TYR: variants seen among roughly 807,000 people sequenced by gnomAD.
The protein encoded by TYR is LB24-AB.
Under a neutral mutation model 51.5 loss-of-function variants are expected in TYR, and 58 were observed. That is an observed-to-expected ratio of 1.13 (90% confidence interval 0.91 to 1.40). The LOEUF is 1.40. TYR is among the 40% of genes most tolerant of loss of function. TYR has a pLI of 0.00. For synonymous variants in TYR, 263 were observed against 235.2 expected, an observed-to-expected ratio of 1.12 and a Z score of -1.08; for missense variants, 732 against 647.4, an observed-to-expected ratio of 1.13 and a Z score of -1.42.
At chr11:89,286,976 GC>G (rs1464746337) in intron 4 of TYR, among the ~76,000 whole-genome samples, 1 of 151,770 alleles carries the variant, frequency 6.6e-6, no homozygotes, top group African/African-American at 2.4e-5. Flanking sequence ...ATGGGTTCAT[GC>G]TTTTAAATAT....
intron 2 of TYR, among the ~76,000 whole-genome samples, chr11:89,204,421 CTT>C (rs1269220960): frequency 6.7e-6 from 1 of 150,188 alleles, no homozygotes; most frequent in African/African-American, 2.5e-5. Context: ...GAGATGGAGT[CTT>C]TGCTGTGTTG....
chr11:89,269,440 C>A (rs139344757), intron 3 of TYR, among the ~76,000 whole-genome samples: 1 of 151,898 alleles, frequency 6.6e-6, no homozygotes, highest in East Asian at 2.0e-4. Context: ...TAGCAGGGTG[C>A]CTGATACTTA....
At chr11:89,179,919 A>G (rs1376857939) in intron 1 of TYR, among the ~76,000 whole-genome samples, 1 of 152,174 alleles carries the variant, frequency 6.6e-6, no homozygotes, top group Non-Finnish European at 1.5e-5. Context: ...TTGACTAGCA[A>G]TGCTCTATGA....
chr11:89,204,671 T>C (rs951919530), intron 2 of TYR, among the ~76,000 whole-genome samples: 8 of 152,254 alleles, frequency 5.3e-5, no homozygotes, highest in African/African-American at 1.7e-4. Flanking sequence ...GTACTGGGAT[T>C]ACAGGTGTGA....
At chr11:89,204,166 T>C (rs1195888148) in intron 2 of TYR, among the ~76,000 whole-genome samples, 1 of 152,194 alleles carries the variant, frequency 6.6e-6, no homozygotes, top group Non-Finnish European at 1.5e-5. Context: ...TAGTTAGGTC[T>C]TCTAGCACTG....
chr11:89,279,163 C>T (rs998612291), intron 3 of TYR, among the ~76,000 whole-genome samples: 18 of 151,646 alleles, frequency 1.2e-4, no homozygotes, highest in Non-Finnish European at 2.4e-4. Flanking sequence ...TCTCTGGCCC[C>T]TCTTTCTCCT....
At chr11:89,273,490 C>T (rs1944614758) in intron 3 of TYR, among the ~76,000 whole-genome samples, 1 of 151,662 alleles carries the variant, frequency 6.6e-6, no homozygotes, top group Non-Finnish European at 1.5e-5. Flanking sequence ...AGAGTGACAT[C>T]AAAAATCACT....
At chr11:89,183,435 G>A (rs945879897) in intron 1 of TYR, among the ~76,000 whole-genome samples, 1 of 151,980 alleles carries the variant, frequency 6.6e-6, no homozygotes, top group African/African-American at 2.4e-5. Context: ...AAAAAAATGA[G>A]GTAGAATTAC....
chr11:89,292,099 A>G (rs1209852904), intron 4 of TYR, among the ~76,000 whole-genome samples: 2 of 152,054 alleles, frequency 1.3e-5, no homozygotes, highest in Non-Finnish European at 2.9e-5. Flanking sequence ...AGGAACTGTA[A>G]ATACTACCTC....
At chr11:89,208,863 TATCA>T (rs1360321188) in intron 2 of TYR, among the ~76,000 whole-genome samples, 1 of 152,238 alleles carries the variant, frequency 6.6e-6, no homozygotes, top group Admixed American at 6.5e-5. Flanking sequence ...AGATTTTCCA[TATCA>T]ATCAATTTTT....
At chr11:89,226,907 T>C (rs1334805405) in intron 2 of TYR, among the ~76,000 whole-genome samples, 1 of 152,106 alleles carries the variant, frequency 6.6e-6, no homozygotes, top group African/African-American at 2.4e-5. Flanking sequence ...CTTTTTCTGG[T>C]CCTAACTCTC....
At chr11:89,200,623 T>C (rs1397108910) in intron 2 of TYR, 1 of 152,056 alleles carries the variant, frequency 6.6e-6, no homozygotes. Flanking sequence ...TAATTTGTTA[T>C]GTGATAGTAT....
intron 3 of TYR, among the ~76,000 whole-genome samples, chr11:89,231,073 A>C (rs1944040853): frequency 6.7e-6 from 1 of 148,978 alleles, no homozygotes; most frequent in Non-Finnish European, 1.5e-5. Flanking sequence ...CGGGAGGCTG[A>C]GGCACGAGAA....
intron 3 of TYR, among the ~76,000 whole-genome samples, chr11:89,231,920 G>A (rs1215553846): frequency 7.2e-6 from 1 of 138,748 alleles, no homozygotes; most frequent in Non-Finnish European, 1.5e-5. Context: ...GGGAGACCAA[G>A]GTTGCAGTGA....
chr11:89,213,043 C>T (rs570217834), intron 2 of TYR, among the ~76,000 whole-genome samples: 1 of 152,210 alleles, frequency 6.6e-6, no homozygotes, highest in African/African-American at 2.4e-5. Flanking sequence ...ACAAGGATGC[C>T]CTCTCTCACC....
At chr11:89,284,739 T>C (rs766372044) in intron 3 of TYR, 34 bp from the exon 4 acceptor site, 2 of 1,601,506 alleles carry the variant, frequency 1.2e-6, no homozygotes, top group Non-Finnish European at 1.7e-6. Context: ...ATACACAATA[T>C]GTTTCTTAGT....
chr11:89,208,366 G>T lies in TYR; in HGVS notation c.1036+16948G>T, dbSNP rs1249585670. 3.9e-5 allele frequency among the ~76,000 whole-genome samples: 6 copies of T among 152,104 alleles called. No individual in the cohort carries two copies. In the East Asian group the frequency reaches 1.2e-3, roughly 29 times the overall value. On this transcript the variant is annotated intron_variant, in intron 2 of 4. Coordinates refer to ENST00000263321, the MANE Select transcript of TYR (RefSeq NM_000372.5). The stretch of plus-strand genomic sequence containing the variant: ...ATAGATGAGATAAAAGACGTATTAG[G>T]AACCCTATTTCAGTCAAGCAAGGAG...
chr11:89,246,199 A>C (rs1944265921), intron 3 of TYR, among the ~76,000 whole-genome samples: 1 of 152,140 alleles, frequency 6.6e-6, no homozygotes, highest in Non-Finnish European at 1.5e-5. Context: ...CTAACTGTGA[A>C]GAGGAATCCT....
chr11:89,204,825 A>T (rs896642111), intron 2 of TYR, among the ~76,000 whole-genome samples: 15 of 128,612 alleles, frequency 1.2e-4, no homozygotes, highest in African/African-American at 4.9e-4. Context: ...TCCTTGAATT[A>T]AAAAAAAAAA....
Sources: allele counts gnomAD v4.1 joint callset (sites outside exome capture counted in the v4.1 genomes callset), GRCh38; gene constraint gnomAD v4.1.1; transcripts MANE v1.5; gene names NCBI Gene and HGNC (gene_info 2026-07-23, HGNC 2026-07-21).